The following SLC8A1 variants were observed in gnomAD, a reference collection of about 807,000 sequenced individuals.
The protein encoded by SLC8A1 is solute carrier family 8 member A1, also known as sodium/calcium exchanger 1.
A neutral mutation model predicts 68.3 loss-of-function variants in SLC8A1; 18 were observed. The observed-to-expected ratio is 0.26, with a 90% CI of 0.18 to 0.39. The LOEUF is 0.39. Ranked by LOEUF, SLC8A1 falls within the 10% of genes least tolerant of loss-of-function variation. The pLI is 1.00. For missense variants in SLC8A1, 985 were observed against 1,156.7 expected (o/e 0.85, Z 2.15); for synonymous variants, 475 against 415.5 (o/e 1.14, Z -1.74).
rs1314146217 is a variant in SLC8A1 at position 40,466,667 on chromosome 2, T to C, written c.-24-36363A>G. Among the ~76,000 whole-genome samples the C allele has an allele frequency of 5.3e-5, 8 of 152,130 alleles. No individual in the cohort carries two copies. The East Asian group carries it at 1.5e-3, about 29-fold the overall frequency. ...TCTGTAATGACAGGAAATATGATTC[T>C]TTACCCTCTTGCATTACACAGTACC... On this transcript the variant is annotated intron_variant, in intron 1 of 7. Coordinates refer to the SLC8A1 transcript ENST00000402441.
chr2:40,177,778 G>A, exon 3 of SLC8A1: 1 of 1,549,528 alleles, frequency 6.5e-7, no homozygotes, highest in Non-Finnish European at 8.7e-7. Flanking sequence ...TATCCATTTT[G>A]GTTCCTCAAG....
exon 2 of SLC8A1, chr2:40,429,495 G>A (rs1024018794): frequency 2.5e-6 from 4 of 1,613,686 alleles, no homozygotes; most frequent in Non-Finnish European, 3.4e-6. Context: ...ACCTCTTGTA[G>A]ACATACTTGT....
intron 7 of SLC8A1, among the ~76,000 whole-genome samples, chr2:40,136,976 A>C (rs904763264): frequency 6.6e-6 from 1 of 152,222 alleles, no homozygotes; most frequent in African/African-American, 2.4e-5. Context: ...GAAAGCATTT[A>C]TGGCAGTGTA....
intron 2 of SLC8A1, among the ~76,000 whole-genome samples, chr2:40,396,735 C>T (rs1687013726): frequency 8.9e-6 from 1 of 112,428 alleles, no homozygotes; most frequent in Non-Finnish European, 1.7e-5. Context: ...TAACCTCCAT[C>T]ATCTCTAATA....
At chr2:40,150,923 T>A (rs1573205336) in intron 6 of SLC8A1, among the ~76,000 whole-genome samples, 2 of 152,158 alleles carry the variant, frequency 1.3e-5, no homozygotes, top group African/African-American at 4.8e-5. Flanking sequence ...TCGACAGATA[T>A]CCTAAATTTG....
intron 1 of SLC8A1, among the ~76,000 whole-genome samples, chr2:40,462,802 G>C (rs998835673): frequency 3.3e-5 from 5 of 151,978 alleles, no homozygotes; most frequent in African/African-American, 7.3e-5. Flanking sequence ...GTGAGACTCA[G>C]TCTAAAATAA....
intron 2 of SLC8A1, among the ~76,000 whole-genome samples, chr2:40,387,272 G>A (rs1233499544): frequency 6.6e-6 from 1 of 151,348 alleles, no homozygotes; most frequent in Non-Finnish European, 1.5e-5. Flanking sequence ...GAGAAATGCT[G>A]CAAGTATAGA....
exon 1 of SLC8A1, chr2:40,451,970 C>G (rs953512705): frequency 1.3e-5 from 2 of 151,992 alleles, no homozygotes; most frequent in African/African-American, 4.8e-5. Flanking sequence ...ACGGCGCACT[C>G]CCTCCTTTTA....
At chr2:40,131,085 G>A (rs771157221) in intron 7 of SLC8A1, among the ~76,000 whole-genome samples, 1 of 152,170 alleles carries the variant, frequency 6.6e-6, no homozygotes, top group Non-Finnish European at 1.5e-5. Flanking sequence ...TCTGTGTTGG[G>A]TACTTTATAA....
intron 2 of SLC8A1, among the ~76,000 whole-genome samples, chr2:40,380,975 A>G (rs761173726): frequency 1.2e-4 from 19 of 152,050 alleles, no homozygotes; most frequent in Non-Finnish European, 1.9e-4. Flanking sequence ...CTGATTTTCC[A>G]CACCTTTCAG....
intron 2 of SLC8A1, among the ~76,000 whole-genome samples, chr2:40,426,832 G>T (rs369945182): frequency 2.6e-4 from 40 of 152,038 alleles, no homozygotes; most frequent in African/African-American, 8.4e-4. Context: ...TAATTGAAAT[G>T]ATTAGAAAAC....
At chr2:40,220,145 A>AG (rs1229422889) in intron 2 of SLC8A1, 95 of 86,760 alleles carry the variant, frequency 1.1e-3, no homozygotes, top group African/African-American at 3.9e-3. Flanking sequence ...GAAACAAAAT[A>AG]GGCTTTTTTT....
intron 1 of SLC8A1, among the ~76,000 whole-genome samples, chr2:40,491,940 T>A (rs1237225418): frequency 3.3e-5 from 5 of 152,156 alleles, no homozygotes; most frequent in African/African-American, 1.2e-4. Flanking sequence ...ATAGATTCAA[T>A]GCCATCCCCA....
At chr2:40,306,544 C>A (rs1253297437) in intron 2 of SLC8A1, among the ~76,000 whole-genome samples, 1 of 152,064 alleles carries the variant, frequency 6.6e-6, no homozygotes, top group Admixed American at 6.6e-5. Flanking sequence ...TAAATGGAAT[C>A]CAAAATAGGC....
intron 5 of SLC8A1, among the ~76,000 whole-genome samples, chr2:40,161,580 T>C (rs1261721460): frequency 6.6e-6 from 1 of 152,226 alleles, no homozygotes; most frequent in Admixed American, 6.5e-5. Flanking sequence ...TTTGGAACTT[T>C]TTAAGCACCT....
chr2:40,232,041 A>C (rs2059717615), intron 2 of SLC8A1, among the ~76,000 whole-genome samples: 1 of 152,136 alleles, frequency 6.6e-6, no homozygotes, highest in Non-Finnish European at 1.5e-5. Context: ...TCCTAAGATG[A>C]AGCAGGCCAG....
intron 2 of SLC8A1, among the ~76,000 whole-genome samples, chr2:40,187,061 G>A (rs1019719267): frequency 6.6e-6 from 1 of 152,172 alleles, no homozygotes; most frequent in African/African-American, 2.4e-5. Flanking sequence ...ATTGGCAGAT[G>A]GTAGAGTTGT....
At chr2:40,204,018 T>G (rs370624554) in intron 2 of SLC8A1, among the ~76,000 whole-genome samples, 1 of 151,948 alleles carries the variant, frequency 6.6e-6, no homozygotes, top group African/African-American at 2.4e-5. Context: ...GCCCAGCTGG[T>G]GAAGGTTGAA....
intron 2 of SLC8A1, among the ~76,000 whole-genome samples, chr2:40,229,908 G>C (rs1233265723): frequency 6.6e-6 from 1 of 152,134 alleles, no homozygotes; most frequent in East Asian, 1.9e-4. Flanking sequence ...AATAGCAAAA[G>C]ATAAATAAGT....
Sources: gnomAD v4.1 joint callset for allele counts (sites outside exome capture counted in the v4.1 genomes callset) on GRCh38, gnomAD v4.1.1 for gene constraint, MANE v1.5 for transcripts, NCBI Gene and HGNC (gene_info 2026-07-23, HGNC 2026-07-21) for gene names.